TET2: variants seen among roughly 807,000 people sequenced by gnomAD.
TET2 encodes tet methylcytosine dioxygenase 2, also known as methylcytosine dioxygenase TET2.
A neutral mutation model predicts 142.9 loss-of-function variants in TET2; 299 were observed. The ratio of observed to expected loss-of-function variants is 2.09; its 90% CI spans 1.90 to 2.30. TET2 has a LOEUF of 2.30. Among genes scored for constraint, TET2 ranks in the 30% most tolerant of loss-of-function variants. TET2 has a pLI of 0.00. For synonymous variants in TET2, 819 were observed against 849.0 expected, an observed-to-expected ratio of 0.96 and a Z score of 0.61; for missense variants, 2,418 against 2,378.0, an observed-to-expected ratio of 1.02 and a Z score of -0.35.
intron 2 of TET2, among the ~76,000 whole-genome samples, chr4:105,207,145 G>A (rs1389008545): frequency 6.6e-6 from 1 of 152,162 alleles, no homozygotes; most frequent in East Asian, 1.9e-4. Flanking sequence ...AGAGGTGACT[G>A]ACCAGTTGCT....
At chr4:105,160,799 C>CA (rs1199774357) in intron 1 of TET2, among the ~76,000 whole-genome samples, 8 of 152,212 alleles carry the variant, frequency 5.3e-5, no homozygotes, top group African/African-American at 1.9e-4. Context: ...TTGTTTTTGA[C>CA]AGAGTCTCCC....
intron 1 of TET2, among the ~76,000 whole-genome samples, chr4:105,172,039 A>G (rs1168262799): frequency 1.3e-5 from 2 of 152,204 alleles, no homozygotes; most frequent in Non-Finnish European, 2.9e-5. Flanking sequence ...TTCTTCATCT[A>G]TAAAATGAAG....
rs1322286523 is a variant in TET2 at position 105,275,282 on chromosome 4, G to A, written c.4772G>A (p.Ser1591Asn). ...TCACACACTTCAGATATCTATGGAA[G>A]CACCAGCCCTATGAACTTCTATTCC... ...NSSHTSDIYG[S>N]TSPMNFYSTS... The change falls in exon 11 of 11, where the codon AGC (serine) becomes AAC (asparagine). Residue 1591 changes from serine to asparagine, a missense_variant. Coordinates refer to ENST00000380013, the MANE Select transcript of TET2 (RefSeq NM_001127208.3). 1 of 1,552,206 alleles carries A rather than the reference G, an allele frequency of 6.4e-7. No homozygotes were observed.
At chr4:105,194,614 A>G (rs916002849) in intron 2 of TET2, among the ~76,000 whole-genome samples, 3 of 152,140 alleles carry the variant, frequency 2.0e-5, no homozygotes, top group Non-Finnish European at 2.9e-5. Context: ...ACTAAAATCC[A>G]TAGTCATTGT....
chr4:105,175,529 C>T (rs1033854567), intron 1 of TET2, among the ~76,000 whole-genome samples: 2 of 151,030 alleles, frequency 1.3e-5, no homozygotes, highest in East Asian at 1.9e-4. Context: ...AACTAAAATG[C>T]AAAGAGAAAA....
At position 105,277,600 on chromosome 4, in the gene TET2, A is replaced by T. The variant is rs1731281289; in HGVS notation, c.*1081A>T. On this transcript the variant is annotated 3_prime_UTR_variant, in exon 11 of 11. Transcript: ENST00000380013. ...ATGAGCAATTGTGTCCATTTTTAAC[A>T]CAGCCAGTTAAATCCACCATGGGGC... is the stretch of plus-strand genomic sequence containing the variant. The T allele has an allele frequency of 4.4e-6, 1 of 228,812 alleles. No homozygotes were observed. The highest frequency in any genetic ancestry group is 1.8e-4 in the South Asian group (1 of 5,478). The allele number at this position is 228,812 out of a possible 1,614,324, so 14.2% of individuals were successfully genotyped here.
Position 105,269,854 on chromosome 4 carries a change from C to T in TET2, c.4182+107C>T, listed in dbSNP as rs148249447. 12,899 of 1,331,908 alleles carry T rather than the reference C, an allele frequency of 9.7e-3. 92 individuals carry two copies. The highest frequency in any genetic ancestry group is 0.012 in the Non-Finnish European group (11,734 of 971,682). 82.5% of individuals were successfully genotyped at this position (1,331,908 alleles called of 1,614,324 possible). On this transcript the variant is annotated intron_variant, in intron 9 of 10. Transcript: ENST00000380013. The stretch of plus-strand genomic sequence containing the variant: ...TTATAAAGGAAAGAGATTTAATTGA[C>T]TCACAGTTCCACATGGCTGTGGAGG...
At position 105,203,270 on chromosome 4, in the gene TET2, G is replaced by T. The variant is rs200485213; in HGVS notation, c.-47+12765G>T. Among the ~76,000 whole-genome samples the T allele has an allele frequency of 2.6e-5, 4 of 152,328 alleles. No individual in the cohort carries two copies. The East Asian group carries it at 5.8e-4, about 22-fold the overall frequency. ...CTGCTTCCATTCCTACATTGACCAT[G>T]TGGACTCATATTTGGCCTATATAAT... On this transcript the variant is annotated intron_variant, in intron 2 of 10. Transcript: ENST00000380013.
intron 6 of TET2, among the ~76,000 whole-genome samples, chr4:105,248,793 T>C (rs925245716): frequency 5.9e-5 from 9 of 152,124 alleles, no homozygotes; most frequent in African/African-American, 2.2e-4. Context: ...CCTGTATTTA[T>C]TAGGCAGTCA....
chr4:105,154,202 T>A (rs1303919598), intron 1 of TET2, among the ~76,000 whole-genome samples: 1 of 152,230 alleles, frequency 6.6e-6, no homozygotes, highest in Non-Finnish European at 1.5e-5. Flanking sequence ...TATAATTAGA[T>A]AGTAATGATT....
chr4:105,237,622 T>A (rs1729033510), intron 3 of TET2: 3 of 1,449,936 alleles, frequency 2.1e-6, no homozygotes, highest in Non-Finnish European at 2.7e-6. Flanking sequence ...AATTTGAATG[T>A]ATCTGTTTTA....
rs1413958620 is a variant in TET2 at position 105,276,466 on chromosome 4, A to G, written c.5956A>G (p.Thr1986Ala). ...CGTGACCACAGACTCCACAGTAACT[A>G]CATCTCCATATGCCTTCACTCGGGT... ...MSVTTDSTVT[T>A]SPYAFTRVTG... The change falls in exon 11 of 11, where the codon ACA becomes GCA. Residue 1986 changes from threonine (T) to alanine (A), a missense_variant. Thr to Ala is a moderately conservative substitution (Grantham distance 58). Coordinates refer to ENST00000380013, the MANE Select transcript of TET2 (RefSeq NM_001127208.3). 2 of 1,551,762 alleles carry G rather than the reference A, an allele frequency of 1.3e-6. No homozygotes were observed. The highest frequency in any genetic ancestry group is 8.7e-7 in the Non-Finnish European group (1 of 1,146,990).
At chr4:105,246,469 A>G (rs1438756173) in intron 6 of TET2, among the ~76,000 whole-genome samples, 1 of 152,238 alleles carries the variant, frequency 6.6e-6, no homozygotes, top group African/African-American at 2.4e-5. Flanking sequence ...CTTTTTGTCT[A>G]GTTTCAAGGT....
At chr4:105,193,618 AATC>A (rs1010349367) in intron 2 of TET2, among the ~76,000 whole-genome samples, 11 of 152,130 alleles carry the variant, frequency 7.2e-5, no homozygotes, top group African/African-American at 2.7e-4. Flanking sequence ...TTTAAGGAAA[AATC>A]ATGAGGATTT....
intron 2 of TET2, among the ~76,000 whole-genome samples, chr4:105,233,255 G>A (rs112789002): frequency 0.014 from 2,089 of 151,872 alleles, 29 homozygotes; most frequent in Middle Eastern, 0.058. Context: ...ATGGTAGCAG[G>A]CACCTGTAAT....
chr4:105,199,703 C>A (rs1246723566), intron 2 of TET2, among the ~76,000 whole-genome samples: 2 of 152,130 alleles, frequency 1.3e-5, no homozygotes, highest in Non-Finnish European at 2.9e-5. Context: ...CACCCTCCAC[C>A]CTCTGATAGG....
At chr4:105,216,147 C>G (rs1226092997) in intron 2 of TET2, among the ~76,000 whole-genome samples, 1 of 152,054 alleles carries the variant, frequency 6.6e-6, no homozygotes, top group Admixed American at 6.6e-5. Flanking sequence ...AGCTAGTATA[C>G]TTGGAGTTTG....
chr4:105,204,695 T>C (rs1385059325), intron 2 of TET2, among the ~76,000 whole-genome samples: 2 of 152,220 alleles, frequency 1.3e-5, no homozygotes, highest in Non-Finnish European at 2.9e-5. Flanking sequence ...GAGATGACTT[T>C]AGCAGTATAT....
In TET2 at chr4:105,236,677, C is replaced by T. The variant is rs4145756; in HGVS notation, c.2735C>T (p.Ala912Val). Reference protein sequence around the residue: ...RNQDMSGQQAAQLAQQRYLIH... With the variant: ...RNQDMSGQQAVQLAQQRYLIH... ...CAAGATATGTCTGGTCAACAAGCTG[C>T]GCAACTTGCTCAGCAAAGGTACTTG... The change falls in exon 3 of 11, where the codon GCG becomes GTG. Residue 912 changes from alanine to valine, a missense_variant. Physicochemically the swap from Ala to Val is moderately conservative, Grantham distance 64. Coordinates refer to ENST00000380013, the MANE Select transcript of TET2 (RefSeq NM_001127208.3). 2.6e-5 allele frequency: 42 copies of T among 1,613,842 alleles called. No individual in the cohort carries two copies. The Admixed American group carries it at 2.7e-4, about 10-fold the overall frequency.
Sources: allele counts gnomAD v4.1 joint callset (sites outside exome capture counted in the v4.1 genomes callset), GRCh38; gene constraint gnomAD v4.1.1; transcripts MANE v1.5; gene names NCBI Gene and HGNC (gene_info 2026-07-23, HGNC 2026-07-21).